Variants in DNAH11 observed in about 807,000 individuals in gnomAD.
DNAH11 encodes dynein axonemal heavy chain 11.
DNAH11 carries 442 observed loss-of-function variants against 526.0 expected under a neutral mutation model. The observed-to-expected ratio is 0.84, with a 90% CI of 0.78 to 0.91. The LOEUF (loss-of-function observed/expected upper bound fraction) is 0.91. Among genes scored for constraint, DNAH11 ranks in the 40% least tolerant of loss-of-function variants. DNAH11 has a pLI of 0.00. For missense variants in DNAH11, 6,989 were observed against 5,448.7 expected, an observed-to-expected ratio of 1.28 and a Z score of -8.90; for synonymous variants, 2,461 against 1,935.9, an observed-to-expected ratio of 1.27 and a Z score of -7.12.
At chr7:21,717,491 C>T (rs1246889131) in intron 42 of DNAH11, among the ~76,000 whole-genome samples, 1 of 152,128 alleles carries the variant, frequency 6.6e-6, no homozygotes, top group African/African-American at 2.4e-5. Flanking sequence ...AGTGCACTTC[C>T]TCATAAATGC....
At chr7:21,703,282 G>A (rs1196960725) in intron 37 of DNAH11, among the ~76,000 whole-genome samples, 1 of 152,186 alleles carries the variant, frequency 6.6e-6, no homozygotes, top group Non-Finnish European at 1.5e-5. Context: ...CTAGAGAAAT[G>A]TTCTGCTCTC....
intron 8 of DNAH11, among the ~76,000 whole-genome samples, chr7:21,572,870 A>G (rs60142506): frequency 0.13 from 19,478 of 152,178 alleles, 2,547 homozygotes; most frequent in African/African-American, 0.32. Flanking sequence ...TGAGGAACCT[A>G]GGATCATGGT....
Position 21,636,850 on chromosome 7 carries a change from C to G in DNAH11, c.4725+755C>G, listed in dbSNP as rs150117747. 3.3e-5 allele frequency among the ~76,000 whole-genome samples: 5 copies of G among 152,224 alleles called. No individual in the cohort carries two copies. In the East Asian group the frequency reaches 5.8e-4, roughly 18 times the overall value. On this transcript the variant is annotated intron_variant, in intron 26 of 81. Transcript: ENST00000409508. The stretch of plus-strand genomic sequence containing the variant: ...CGACCTTTGTGGTAATAAAGGTAAA[C>G]AGATTCATCTTCAGAAGTAAAAGAC...
At chr7:21,832,739 G>T (rs978830654) in intron 65 of DNAH11, among the ~76,000 whole-genome samples, 1 of 152,206 alleles carries the variant, frequency 6.6e-6, no homozygotes, top group African/African-American at 2.4e-5. Context: ...TAGAGTGGCA[G>T]TGGACAAATG....
chr7:21,622,287 G>C (rs1295815923), intron 25 of DNAH11, among the ~76,000 whole-genome samples: 1 of 152,094 alleles, frequency 6.6e-6, no homozygotes, highest in Non-Finnish European at 1.5e-5. Flanking sequence ...TCTTCAAGGA[G>C]AACTACAAAC....
intron 2 of DNAH11, among the ~76,000 whole-genome samples, chr7:21,547,070 C>T (rs148529353): frequency 2.0e-5 from 3 of 152,172 alleles, no homozygotes; most frequent in Non-Finnish European, 4.4e-5. Context: ...ACTACACAAA[C>T]TGACAACTAA....
In DNAH11 at chr7:21,688,961, A is replaced by G. The variant is rs895854548; in HGVS notation, c.5924+1434A>G. Among the ~76,000 whole-genome samples, 8 of 152,370 alleles carry G rather than the reference A, an allele frequency of 5.3e-5. No individual in the cohort carries two copies. The East Asian group carries it at 1.5e-3, about 29-fold the overall frequency. ...AATATTTTTCTCAGCTAGCTTGTCCATAGGAACATTTTCAATGTCCCAAGG... is the reference window on the plus strand; with the variant it reads ...AATATTTTTCTCAGCTAGCTTGTCCGTAGGAACATTTTCAATGTCCCAAGG... On this transcript the variant is annotated intron_variant, in intron 34 of 81. Coordinates refer to ENST00000409508, the MANE Select transcript of DNAH11 (RefSeq NM_001277115.2).
At chr7:21,814,416 C>A (rs946728787) in intron 63 of DNAH11, among the ~76,000 whole-genome samples, 3 of 149,786 alleles carry the variant, frequency 2.0e-5, no homozygotes, top group South Asian at 4.2e-4. Context: ...GCACATTGTG[C>A]GGGTTAGTTA....
intron 63 of DNAH11, 133 bp downstream of exon 63, chr7:21,808,182 T>C (rs1789356745): frequency 1.6e-6 from 1 of 607,692 alleles, no homozygotes; most frequent in Admixed American, 4.0e-5. Flanking sequence ...GGTGAAATTG[T>C]TTCTCATGTG....
At chr7:21,817,188 AC>A (rs1476062881) in intron 64 of DNAH11, among the ~76,000 whole-genome samples, 1 of 152,108 alleles carries the variant, frequency 6.6e-6, no homozygotes, top group Non-Finnish European at 1.5e-5. Context: ...CACTTTTGAG[AC>A]CTGAATCTAC....
At chr7:21,690,325 A>G (rs1296263628) in intron 34 of DNAH11, among the ~76,000 whole-genome samples, 1 of 152,204 alleles carries the variant, frequency 6.6e-6, no homozygotes, top group African/African-American at 2.4e-5. Context: ...GGAGGGAAAG[A>G]GGAAGAGAAG....
chr7:21,671,441 T>C (rs1782638975), intron 30 of DNAH11, among the ~76,000 whole-genome samples: 1 of 152,210 alleles, frequency 6.6e-6, no homozygotes, highest in Admixed American at 6.5e-5. Flanking sequence ...AATTTACTGA[T>C]GTAAGTTGGT....
At chr7:21,900,187 TGCTTACTGTTTCTCA>T in intron 81 of DNAH11, 67 bp downstream of exon 81, 1 of 1,481,546 alleles carries the variant, frequency 6.7e-7, no homozygotes, top group South Asian at 1.5e-5. Flanking sequence ...GTTTGTCCTC[TGCTTACTGTTTCTCA>T]GCATCTCCTC....
At chr7:21,599,683 A>C in intron 14 of DNAH11, 104 bp from the exon 15 acceptor site, 1 of 858,628 alleles carries the variant, frequency 1.2e-6, no homozygotes, top group Non-Finnish European at 1.7e-6. Flanking sequence ...TGTCTTGTGC[A>C]CAACAATGCA....
At position 21,717,776 on chromosome 7, in the gene DNAH11, T is replaced by A; in HGVS notation, c.6985T>A (p.Tyr2329Asn). ...VNPQDLGWNP[Y>N]VASWIDRRRH... ...AAGCTTTTCTGTGTTCCTTTTCAGGTATGTGGCCAGTTGGATAGACAGAAG... is the reference window on the plus strand; with the variant it reads ...AAGCTTTTCTGTGTTCCTTTTCAGGAATGTGGCCAGTTGGATAGACAGAAG... The change falls in exon 43 of 82, where the codon TAT becomes AAT. Residue 2329 changes from tyrosine (Y) to asparagine (N), a missense_variant and splice_region_variant. Coordinates refer to ENST00000409508, the MANE Select transcript of DNAH11 (RefSeq NM_001277115.2). 6.2e-7 allele frequency: 1 copy of A among 1,613,682 alleles called. No homozygotes were observed.
chr7:21,887,519 A>G (rs1161597652), intron 76 of DNAH11, among the ~76,000 whole-genome samples: 3 of 152,188 alleles, frequency 2.0e-5, no homozygotes, highest in Non-Finnish European at 4.4e-5. Flanking sequence ...AAGTACCTCT[A>G]TGTATTTGCC....
At chr7:21,593,543 A>C (rs1784764761) in intron 14 of DNAH11, among the ~76,000 whole-genome samples, 2 of 148,086 alleles carry the variant, frequency 1.4e-5, no homozygotes, top group South Asian at 4.3e-4. Context: ...GGAAGGAGAA[A>C]AAATTGTTGG....
intron 25 of DNAH11, among the ~76,000 whole-genome samples, chr7:21,632,645 A>G (rs752854877): frequency 5.9e-5 from 9 of 152,168 alleles, no homozygotes; most frequent in East Asian, 3.9e-4. Context: ...CCAGTTCCCA[A>G]CAAGTTTTTC....
intron 74 of DNAH11, 39 bp downstream of exon 74, chr7:21,873,540 G>A (rs757489539): frequency 1.3e-6 from 2 of 1,593,456 alleles, no homozygotes; most frequent in African/African-American, 1.3e-5. Flanking sequence ...AATGAAGTCA[G>A]AGTCATCTCA....
Sources: gnomAD v4.1 joint callset for allele counts (sites outside exome capture counted in the v4.1 genomes callset) on GRCh38, gnomAD v4.1.1 for gene constraint, MANE v1.5 for transcripts, NCBI Gene and HGNC (gene_info 2026-07-23, HGNC 2026-07-21) for gene names.